The following LYZL1 variants were observed in gnomAD, a reference collection of about 807,000 sequenced individuals.
LYZL1 encodes the protein lysozyme-like protein 1.
LYZL1 carries 16 observed loss-of-function variants against 17.9 expected under a neutral mutation model. The observed-to-expected ratio is 0.90, with a 90% CI of 0.61 to 1.36. The LOEUF is 1.36. Among genes scored for constraint, LYZL1 ranks in the 40% most tolerant of loss-of-function variants. The pLI, the probability that LYZL1 is intolerant of heterozygous loss-of-function variation, is 0.00. For synonymous variants in LYZL1, 58 were observed against 71.8 expected, an observed-to-expected ratio of 0.81 and a Z score of 0.97; for missense variants, 149 against 188.4, an observed-to-expected ratio of 0.79 and a Z score of 1.22.
rs1317850771 is a variant in LYZL1 at position 29,306,568 on chromosome 10, A to G, written c.299-3542A>G. Among the ~76,000 whole-genome samples, 9 of 135,710 alleles carry G rather than the reference A, an allele frequency of 6.6e-5. 2 individuals carry two copies. The highest frequency in any genetic ancestry group is 1.1e-4 in the Non-Finnish European group (7 of 61,450). The allele number at this position is 135,710 out of a possible 152,430, so 89.0% of individuals were successfully genotyped here. ...CCGTCTCAAAAAAAAAAAAAAAAAAAAAAAAAAGAAAAAATAAGGAACTAA... is the reference window on the plus strand; with the variant it reads ...CCGTCTCAAAAAAAAAAAAAAAAAAGAAAAAAAGAAAAAATAAGGAACTAA... On this transcript the variant is annotated intron_variant, in intron 3 of 4. Coordinates refer to ENST00000649382, the MANE Select transcript of LYZL1 (RefSeq NM_032517.6).
intron 2 of LYZL1, among the ~76,000 whole-genome samples, 167 bp from the exon 3 acceptor site, chr10:29,292,352 C>CCG (rs1564388632): frequency 6.6e-6 from 1 of 152,096 alleles, no homozygotes; most frequent in Non-Finnish European, 1.5e-5. Context: ...ATCCCAGCCC[C>CCG]CGATGTGCCC....
downstream of LYZL1, among the ~76,000 whole-genome samples, chr10:29,314,238 G>A (rs1435365033): frequency 6.6e-6 from 1 of 152,162 alleles, no homozygotes; most frequent in African/African-American, 2.4e-5. Flanking sequence ...TGTAGGATTA[G>A]GTGACTGGGG....
Position 29,291,840 on chromosome 10 carries a change from C to G in LYZL1, c.-25-3C>G, listed in dbSNP as rs773283113. Reference sequence around the variant, plus strand: ...TCTGACCTGTTCTCCGGCTCTTTGGCAGGTTCTGTCTCCGGCAGGCTTTGA... The same window carrying G: ...TCTGACCTGTTCTCCGGCTCTTTGGGAGGTTCTGTCTCCGGCAGGCTTTGA... On this transcript the variant is annotated splice_region_variant and splice_polypyrimidine_tract_variant and intron_variant, in intron 1 of 4. Transcript: ENST00000649382. 6.5e-7 allele frequency: 1 copy of G among 1,550,166 alleles called. No individual in the cohort carries two copies. The highest frequency in any genetic ancestry group is 1.4e-5 in the African/African-American group (1 of 72,308).
rs1835665955 is a variant in LYZL1, at chr10:29,311,098, AG to A, written c.*41del. 1 of 1,613,974 alleles carries A rather than the reference AG, an allele frequency of 6.2e-7. No homozygotes were observed. Among genetic ancestry groups the A allele is most frequent in the African/African-American group, 1.3e-5 (1 of 74,944 alleles). ...CCAGGATGCTTTGCAGCAACGCCCT[AG>A]GATTTGCAGTGAATGTCCAAATGCC... On this transcript the variant is annotated 3_prime_UTR_variant, in exon 5 of 5. Transcript: ENST00000649382.
At chr10:29,312,741 T>C (rs758961549), downstream of LYZL1, among the ~76,000 whole-genome samples, 160 of 152,168 alleles carry the variant, frequency 1.1e-3, 1 homozygote, top group Non-Finnish European at 1.8e-3. Context: ...GGCGGGGTGG[T>C]TCTGTGGCAC....
downstream of LYZL1, among the ~76,000 whole-genome samples, chr10:29,311,620 C>T (rs1588664869): frequency 6.6e-6 from 1 of 152,274 alleles, no homozygotes; most frequent in East Asian, 1.9e-4. Flanking sequence ...TAAAAGTTCT[C>T]AGTTGCATTT....
chr10:29,318,213 C>T (rs1835752719), exon 5 of LYZL1: 2 of 984,208 alleles, frequency 2.0e-6, no homozygotes, highest in South Asian at 4.7e-5. Context: ...GATTTCCCTG[C>T]CTGCTCAAGA....
intron 3 of LYZL1, among the ~76,000 whole-genome samples, chr10:29,305,868 T>C (rs1835581552): frequency 1.3e-5 from 2 of 152,208 alleles, no homozygotes; most frequent in African/African-American, 4.8e-5. Flanking sequence ...GCCACAAAAT[T>C]AGCAACTCAG....
At chr10:29,293,236 G>T (rs1373413689) in intron 3 of LYZL1, among the ~76,000 whole-genome samples, 1 of 145,854 alleles carries the variant, frequency 6.9e-6, no homozygotes, top group Non-Finnish European at 1.5e-5. Context: ...GGCCCCAAGT[G>T]ATCCTCCCTC....
Position 29,292,560 on chromosome 10 carries a change from G to T in LYZL1, c.181G>T (p.Ala61Ser). 6.2e-7 allele frequency: 1 copy of T among 1,614,254 alleles called. No homozygotes were observed. Residue 61 changes from alanine (A) to serine (S), a missense_variant, in exon 3 of 5, where the codon GCC becomes TCC. Ala to Ser is a moderately conservative substitution (Grantham distance 99). Coordinates refer to ENST00000649382, the MANE Select transcript of LYZL1 (RefSeq NM_032517.6). ...TTATGAGAGCGGCTACAACACCACAGCCCAGACGGTCCTGGATGACGGCAG... is the reference window on the plus strand; with the variant it reads ...TTATGAGAGCGGCTACAACACCACATCCCAGACGGTCCTGGATGACGGCAG... ...AYYESGYNTT[A>S]QTVLDDGSID...
chr10:29,314,142 CT>C (rs1835703290), downstream of LYZL1, among the ~76,000 whole-genome samples: 1 of 152,176 alleles, frequency 6.6e-6, no homozygotes, highest in Admixed American at 6.5e-5. Flanking sequence ...CCCCTGCAGC[CT>C]ATTCAAGCCT....
chr10:29,292,782 C>A lies in LYZL1; in HGVS notation c.298+105C>A. The A allele has an allele frequency of 2.0e-6, 3 of 1,498,530 alleles. No individual in the cohort carries two copies. In the South Asian group the frequency reaches 4.0e-5, roughly 20 times the overall value. The allele number at this position is 1,498,530 out of a possible 1,614,324, so 92.8% of individuals were successfully genotyped here. On this transcript the variant is annotated intron_variant, in intron 3 of 4. Transcript: ENST00000649382. ...CTTTAACTAAAATTTGGAGTTCAGG[C>A]TTGCAAATAGGTCTGTTCCAGATTG...
chr10:29,313,879 G>A (rs1835700513), downstream of LYZL1, among the ~76,000 whole-genome samples: 1 of 152,192 alleles, frequency 6.6e-6, no homozygotes, highest in East Asian at 1.9e-4. Flanking sequence ...AGACCATTGG[G>A]TATTAGGGGA....
chr10:29,318,295 A>G, exon 5 of LYZL1: 1 of 546,826 alleles, frequency 1.8e-6, no homozygotes, highest in Non-Finnish European at 2.3e-6. Context: ...TTGAGAAAGC[A>G]TTCATGCAAA....
intron 3 of LYZL1, among the ~76,000 whole-genome samples, chr10:29,297,506 T>C (rs1002135864): frequency 6.6e-6 from 1 of 152,172 alleles, no homozygotes; most frequent in African/African-American, 2.4e-5. Flanking sequence ...AAATAAACAA[T>C]TCATAACTTT....
At chr10:29,300,267 A>G (rs2132824004) in intron 3 of LYZL1, among the ~76,000 whole-genome samples, 1 of 151,588 alleles carries the variant, frequency 6.6e-6, no homozygotes, top group South Asian at 2.1e-4. Flanking sequence ...ATTCTCTTTC[A>G]TTTCCTCCAT....
In LYZL1 at chr10:29,289,084, C is replaced by G. The variant is rs772891124; in HGVS notation, c.-172C>G. 34 of 1,529,892 alleles carry G rather than the reference C, an allele frequency of 2.2e-5. No homozygotes were observed. The highest frequency in any genetic ancestry group is 1.1e-4 in the African/African-American group (8 of 72,498). 94.8% of individuals were successfully genotyped at this position (1,529,892 alleles called of 1,614,324 possible). On this transcript the variant is annotated 5_prime_UTR_variant, in exon 1 of 5. Transcript: ENST00000649382. ...GTTCTTGAGCTAGGAAAGGATTACTCGCGCCTCGTTAGAATCAGACATGGC... is the reference window on the plus strand; with the variant it reads ...GTTCTTGAGCTAGGAAAGGATTACTGGCGCCTCGTTAGAATCAGACATGGC...
intron 3 of LYZL1, among the ~76,000 whole-genome samples, chr10:29,295,443 C>G (rs1835434883): frequency 2.0e-5 from 3 of 152,190 alleles, no homozygotes. Flanking sequence ...CTGTCCCAGT[C>G]AATCTTATTA....
chr10:29,317,580 C>G (rs1835747153), intron 4 of LYZL1: 1 of 152,214 alleles, frequency 6.6e-6, no homozygotes, highest in South Asian at 2.1e-4. Context: ...GGGGAGTAGA[C>G]AGGGCGCCCT....
Sources: gnomAD v4.1 joint callset for allele counts (sites outside exome capture counted in the v4.1 genomes callset) on GRCh38, gnomAD v4.1.1 for gene constraint, MANE v1.5 for transcripts, NCBI Gene and HGNC (gene_info 2026-07-23, HGNC 2026-07-21) for gene names.